The following PCDH9 variants were observed in gnomAD, a reference collection of about 807,000 sequenced individuals.
The protein encoded by PCDH9 is protocadherin-9.
PCDH9 carries 24 observed loss-of-function variants against 70.6 expected under a neutral mutation model. That is an observed-to-expected ratio of 0.34 (90% confidence interval 0.25 to 0.48). The LOEUF is 0.48. Among genes scored for constraint, PCDH9 ranks in the 20% least tolerant of loss-of-function variants. The pLI is 0.99. For synonymous variants in PCDH9, 562 were observed against 558.5 expected (o/e 1.01, Z -0.09); for missense variants, 1,281 against 1,503.6 (o/e 0.85, Z 2.45).
chr13:66,477,331 T>C (rs1034350680), intron 4 of PCDH9, among the ~76,000 whole-genome samples: 2 of 152,148 alleles, frequency 1.3e-5, no homozygotes, highest in African/African-American at 4.8e-5. Context: ...AATACGATTA[T>C]TGTGAAGACT....
intron 4 of PCDH9, among the ~76,000 whole-genome samples, chr13:66,509,487 C>A (rs1225595192): frequency 6.6e-6 from 1 of 152,160 alleles, no homozygotes; most frequent in South Asian, 2.1e-4. Context: ...TCCCACTGAT[C>A]AACTTCCCTT....
At chr13:67,029,683 A>AT (rs1231703173) in intron 2 of PCDH9, among the ~76,000 whole-genome samples, 2 of 152,158 alleles carry the variant, frequency 1.3e-5, no homozygotes, top group Non-Finnish European at 2.9e-5. Context: ...CTTATTCATC[A>AT]TTTTTTCCAA....
At chr13:67,162,641 T>C (rs1484854903) in intron 2 of PCDH9, among the ~76,000 whole-genome samples, 1 of 152,188 alleles carries the variant, frequency 6.6e-6, no homozygotes, top group South Asian at 2.1e-4. Flanking sequence ...CATACTTCAA[T>C]GCCCTCTTCT....
In PCDH9 at chr13:66,325,086, CAA is replaced by C. The variant is rs575719119; in HGVS notation, c.3341-20060_3341-20059del. Among the ~76,000 whole-genome samples, 24 of 151,904 alleles carry C rather than the reference CAA, an allele frequency of 1.6e-4. No homozygotes were observed. In the South Asian group the frequency reaches 4.4e-3, roughly 28 times the overall value. Reference sequence around the variant, plus strand: ...ATTTATTATAGTAATAATATAGAAACAATATTTTTCACTAGAAATCTGTTACA... The same window carrying C: ...ATTTATTATAGTAATAATATAGAAACTATTTTTCACTAGAAATCTGTTACA... On this transcript the variant is annotated intron_variant, in intron 4 of 4. Transcript: ENST00000377865.
At chr13:66,598,305 A>T (rs916577390) in intron 4 of PCDH9, among the ~76,000 whole-genome samples, 4 of 151,714 alleles carry the variant, frequency 2.6e-5, no homozygotes, top group African/African-American at 9.7e-5. Context: ...AGATAACCTA[A>T]TTTTTTTCTT....
chr13:66,733,784 C>G (rs1370887464), intron 3 of PCDH9, among the ~76,000 whole-genome samples: 2 of 151,506 alleles, frequency 1.3e-5, no homozygotes, highest in Non-Finnish European at 2.9e-5. Context: ...AAAATGTCAC[C>G]AAAATAACAA....
intron 3 of PCDH9, among the ~76,000 whole-genome samples, chr13:66,642,106 T>C (rs2077716456): frequency 6.6e-6 from 1 of 152,132 alleles, no homozygotes; most frequent in African/African-American, 2.4e-5. Context: ...TAGGTATCTA[T>C]ATATTCATGT....
chr13:66,312,911 G>C (rs1955588375), intron 4 of PCDH9, among the ~76,000 whole-genome samples: 1 of 152,168 alleles, frequency 6.6e-6, no homozygotes, highest in Non-Finnish European at 1.5e-5. Context: ...TGCAGATGGA[G>C]ACAGTCCAAA....
intron 2 of PCDH9, among the ~76,000 whole-genome samples, chr13:66,915,734 G>C (rs1454539742): frequency 6.6e-6 from 1 of 151,628 alleles, no homozygotes; most frequent in Non-Finnish European, 1.5e-5. Context: ...GGCTTCCTTG[G>C]AGACTCAACA....
chr13:66,751,811 C>T (rs1352519693), intron 3 of PCDH9, among the ~76,000 whole-genome samples: 1 of 152,098 alleles, frequency 6.6e-6, no homozygotes, highest in East Asian at 1.9e-4. Context: ...GGCTACCATA[C>T]CAGACAACAT....
intron 4 of PCDH9, among the ~76,000 whole-genome samples, chr13:66,366,832 A>C (rs1956561743): frequency 6.6e-6 from 1 of 152,100 alleles, no homozygotes; most frequent in Admixed American, 6.6e-5. Flanking sequence ...ATGTGATTAT[A>C]CTTAAATTAC....
At chr13:66,325,900 C>T (rs1955833815) in intron 4 of PCDH9, among the ~76,000 whole-genome samples, 1 of 152,150 alleles carries the variant, frequency 6.6e-6, no homozygotes, top group Admixed American at 6.5e-5. Context: ...AGGTTCATTA[C>T]AATCGTAATG....
chr13:67,090,216 A>G (rs1274843861), intron 2 of PCDH9, among the ~76,000 whole-genome samples: 1 of 152,028 alleles, frequency 6.6e-6, no homozygotes, highest in Non-Finnish European at 1.5e-5. Flanking sequence ...AAATATTAAT[A>G]TGTATATGAA....
At chr13:67,032,236 CG>C (rs2084922211) in intron 2 of PCDH9, among the ~76,000 whole-genome samples, 1 of 152,158 alleles carries the variant, frequency 6.6e-6, no homozygotes, top group Non-Finnish European at 1.5e-5. Flanking sequence ...CTACACTTCC[CG>C]GGCTCAAGCC....
intron 4 of PCDH9, among the ~76,000 whole-genome samples, chr13:66,495,787 C>A (rs1959107071): frequency 6.6e-6 from 1 of 152,130 alleles, no homozygotes; most frequent in Non-Finnish European, 1.5e-5. Flanking sequence ...CTTTAGGAGC[C>A]ACTGCACACT....
At chr13:67,122,074 C>A (rs893592192) in intron 2 of PCDH9, among the ~76,000 whole-genome samples, 16 of 152,078 alleles carry the variant, frequency 1.1e-4, no homozygotes, top group Non-Finnish European at 1.8e-4. Flanking sequence ...AACTGAATTA[C>A]AGATGTGACA....
At chr13:66,596,823 A>C (rs1450983718) in intron 4 of PCDH9, among the ~76,000 whole-genome samples, 2 of 149,700 alleles carry the variant, frequency 1.3e-5, no homozygotes, top group South Asian at 4.2e-4. Flanking sequence ...AAAAAAAAAA[A>C]CATGGCTTGA....
At chr13:66,700,675 G>A (rs2078626232) in intron 3 of PCDH9, among the ~76,000 whole-genome samples, 1 of 151,900 alleles carries the variant, frequency 6.6e-6, no homozygotes, top group Non-Finnish European at 1.5e-5. Flanking sequence ...AAATCAGGAC[G>A]AGACTTTCAA....
chr13:66,469,479 A>G (rs902847860), intron 4 of PCDH9, among the ~76,000 whole-genome samples: 8 of 150,508 alleles, frequency 5.3e-5, no homozygotes, highest in African/African-American at 1.9e-4. Context: ...GGGGGAAGGA[A>G]GGAAGGAATA....
Sources: gnomAD v4.1 joint callset for allele counts (sites outside exome capture counted in the v4.1 genomes callset) on GRCh38, gnomAD v4.1.1 for gene constraint, MANE v1.5 for transcripts, NCBI Gene and HGNC (gene_info 2026-07-23, HGNC 2026-07-21) for gene names.